Variants in MAD1L1 observed in about 807,000 individuals in gnomAD.
MAD1L1 encodes mitotic spindle assembly checkpoint protein MAD1.
In MAD1L1, 95 loss-of-function variants were observed where a neutral mutation model predicts 96.9. The observed-to-expected ratio is 0.98, with a 90% CI of 0.83 to 1.16. The LOEUF is 1.16. MAD1L1 is among the 50% of genes most tolerant of loss of function. The pLI, the probability that MAD1L1 is intolerant of heterozygous loss-of-function variation, is 0.00. For missense variants in MAD1L1, 1,007 were observed against 954.4 expected, an observed-to-expected ratio of 1.06 and a Z score of -0.73; for synonymous variants, 473 against 396.6, an observed-to-expected ratio of 1.19 and a Z score of -2.29.
At chr7:2,130,481 AAAGG>A (rs1788461038) in intron 11 of MAD1L1, among the ~76,000 whole-genome samples, 1 of 152,138 alleles carries the variant, frequency 6.6e-6, no homozygotes, top group South Asian at 2.1e-4. Flanking sequence ...CAGGTCTGGG[AAAGG>A]AGACCAGCTT....
intron 14 of MAD1L1, among the ~76,000 whole-genome samples, chr7:1,995,270 G>A (rs1781504991): frequency 6.6e-6 from 1 of 152,210 alleles, no homozygotes; most frequent in Admixed American, 6.5e-5. Flanking sequence ...GGAAACCTGA[G>A]CTGGTGAACG....
chr7:2,198,349 G>A (rs1420976974), intron 10 of MAD1L1, among the ~76,000 whole-genome samples: 4 of 152,070 alleles, frequency 2.6e-5, no homozygotes, highest in African/African-American at 7.2e-5. Context: ...CCAAGAGCCC[G>A]CCTTTGCTTC....
At chr7:1,953,136 G>C (rs1473989098) in intron 16 of MAD1L1, among the ~76,000 whole-genome samples, 1 of 152,096 alleles carries the variant, frequency 6.6e-6, no homozygotes, top group East Asian at 1.9e-4. Flanking sequence ...GAGAGGTGAC[G>C]GGCCCGCCCC....
chr7:1,962,561 A>C (rs1363195085), intron 15 of MAD1L1, among the ~76,000 whole-genome samples: 4 of 152,216 alleles, frequency 2.6e-5, no homozygotes, highest in Admixed American at 2.6e-4. Flanking sequence ...TAATCTGATA[A>C]AGGCCTTGTA....
At chr7:1,885,969 G>A (rs1319321731) in intron 18 of MAD1L1, among the ~76,000 whole-genome samples, 4 of 152,236 alleles carry the variant, frequency 2.6e-5, no homozygotes, top group Non-Finnish European at 4.4e-5. Flanking sequence ...GCCCCCAGCA[G>A]CAGCTCTGCC....
At chr7:1,849,226 G>A (rs897843148) in intron 18 of MAD1L1, 1 of 152,304 alleles carries the variant, frequency 6.6e-6, no homozygotes, top group Non-Finnish European at 1.5e-5. Context: ...TTCACTCAGC[G>A]GCACTTGGGA....
At chr7:1,923,228 T>C (rs1348044552) in intron 17 of MAD1L1, among the ~76,000 whole-genome samples, 1 of 152,192 alleles carries the variant, frequency 6.6e-6, no homozygotes, top group Non-Finnish European at 1.5e-5. Context: ...TCATACTGGG[T>C]GAGTTCTGCA....
In MAD1L1 at chr7:2,155,273, CATCCTGCCACCGTGT is replaced by C. The variant is rs552953137; in HGVS notation, c.987-6050_987-6036del. ...CAAGCACCACACCTGGCCACGGTGG[CATCCTGCCACCGTGT>C]TGGGATGTTTTTAATTGTGGTAAAA... On this transcript the variant is annotated intron_variant, in intron 10 of 18. Coordinates refer to ENST00000265854, the MANE Select transcript of MAD1L1 (RefSeq NM_001013836.2). Among the ~76,000 whole-genome samples the C allele has an allele frequency of 2.6e-5, 4 of 152,342 alleles. No individual in the cohort carries two copies. In the South Asian group the frequency reaches 8.3e-4, roughly 32 times the overall value.
At chr7:1,918,780 C>A (rs1345781105) in intron 17 of MAD1L1, among the ~76,000 whole-genome samples, 3 of 152,210 alleles carry the variant, frequency 2.0e-5, no homozygotes, top group African/African-American at 7.2e-5. Context: ...AGGCCACTGC[C>A]CCACCTGGAC....
At position 2,119,722 on chromosome 7, in the gene MAD1L1, G is replaced by T. The variant is rs1172634889; in HGVS notation, c.1073+29430C>A. Among the ~76,000 whole-genome samples the T allele has an allele frequency of 6.6e-6, 1 of 152,168 alleles. No individual in the cohort carries two copies. Among genetic ancestry groups the T allele is most frequent in the Admixed American group, 6.5e-5 (1 of 15,290 alleles). On this transcript the variant is annotated intron_variant, in intron 11 of 18. Coordinates refer to ENST00000265854, the MANE Select transcript of MAD1L1 (RefSeq NM_001013836.2). This position sits in a 1 kb window ranked among gnomAD's most constrained non-coding sequence, Gnocchi z 4.6. ...GAGTGCTCCTGAGGAGGGAGAGCCT[G>T]CCAGTCCAGCAGGGGACCCCTCAGC...
chr7:1,946,563 T>C (rs1779237841), intron 16 of MAD1L1, among the ~76,000 whole-genome samples: 1 of 152,258 alleles, frequency 6.6e-6, no homozygotes, highest in Non-Finnish European at 1.5e-5. Flanking sequence ...GATGCGATGG[T>C]GCAATCATTG....
chr7:1,847,017 A>T (rs965558129), intron 18 of MAD1L1: 10 of 338,632 alleles, frequency 3.0e-5, no homozygotes, highest in African/African-American at 1.9e-4. Context: ...TTACAAAGAG[A>T]CATTTCAAAA....
intron 14 of MAD1L1, among the ~76,000 whole-genome samples, chr7:2,001,639 T>C (rs1030859425): frequency 3.9e-5 from 6 of 152,186 alleles, no homozygotes; most frequent in African/African-American, 1.2e-4. Flanking sequence ...CCATGCTGAG[T>C]GGCGCCCAAG....
At chr7:2,093,554 G>A (rs6943119) in intron 11 of MAD1L1, among the ~76,000 whole-genome samples, 7,568 of 152,258 alleles carry the variant, frequency 0.05, 615 homozygotes, top group African/African-American at 0.17. Flanking sequence ...ATCAAAGTGT[G>A]TTGCTTTTGT....
chr7:2,175,950 T>A (rs1319529425), intron 10 of MAD1L1, among the ~76,000 whole-genome samples: 2 of 152,250 alleles, frequency 1.3e-5, no homozygotes, highest in Non-Finnish European at 2.9e-5. Flanking sequence ...TCTGAAGATA[T>A]TAAGAGAGAA....
intron 18 of MAD1L1, among the ~76,000 whole-genome samples, chr7:1,886,650 A>G (rs1786051739): frequency 1.3e-5 from 2 of 152,374 alleles, no homozygotes; most frequent in Admixed American, 1.3e-4. Context: ...AGCAGGGGTC[A>G]GCAGGACCCT....
At chr7:1,829,115 G>A (rs1782575766) in intron 18 of MAD1L1, among the ~76,000 whole-genome samples, 1 of 152,242 alleles carries the variant, frequency 6.6e-6, no homozygotes, top group East Asian at 1.9e-4. Flanking sequence ...GGGCTGTGGG[G>A]CGACGTCACA....
rs1562545541 is a variant in MAD1L1 at position 1,940,990 on chromosome 7, C to CCAGGCCTCACCGTCCTCTTCCTCCCCCCG, written c.1597-4094_1597-4093insCGGGGGGAGGAAGAGGACGGTGAGGCCTG. ...CAGGCCTCACCCTCCTCTTCCTCTC[C>CCAGGCCTCACCGTCCTCTTCCTCCCCCCG]CAGGCCTCAGCCTCCTCTTCCTCCC... On this transcript the variant is annotated intron_variant, in intron 16 of 18. Transcript: ENST00000265854. Among the ~76,000 whole-genome samples the CCAGGCCTCACCGTCCTCTTCCTCCCCCCG allele has an allele frequency of 2.3e-3, 321 of 139,394 alleles. 3 individuals are homozygous for CCAGGCCTCACCGTCCTCTTCCTCCCCCCG. The highest frequency in any genetic ancestry group is 7.9e-3 in the Middle Eastern group (2 of 252). 91.4% of individuals were successfully genotyped at this position (139,394 alleles called of 152,430 possible). A position where few individuals can be genotyped will look rare whatever the true frequency, so the allele number is the denominator to read the frequency against.
chr7:2,084,077 C>T (rs1021044031), intron 11 of MAD1L1, among the ~76,000 whole-genome samples: 1 of 152,274 alleles, frequency 6.6e-6, no homozygotes, highest in Non-Finnish European at 1.5e-5. Context: ...TATCAGTTAA[C>T]CAGCGGCTTC....
Sources: allele counts gnomAD v4.1 joint callset (sites outside exome capture counted in the v4.1 genomes callset), GRCh38; gene constraint gnomAD v4.1.1; non-coding constraint Gnocchi (gnomAD v3.1); transcripts MANE v1.5; gene names NCBI Gene and HGNC (gene_info 2026-07-23, HGNC 2026-07-21).